Variants in PLEKHA8 observed in about 807,000 individuals in gnomAD.
PLEKHA8 encodes pleckstrin homology domain containing A8.
In PLEKHA8, 36 loss-of-function variants were observed where a neutral mutation model predicts 68.2. The observed-to-expected ratio is 0.53, with a 90% CI of 0.40 to 0.70. The LOEUF (loss-of-function observed/expected upper bound fraction) is 0.70, where lower values mean the gene tolerates loss of function less well. Among genes scored for constraint, PLEKHA8 ranks in the 30% least tolerant of loss-of-function variants. The pLI, the probability that PLEKHA8 is intolerant of heterozygous loss-of-function variation, is 0.00. For synonymous variants in PLEKHA8, 211 were observed against 216.1 expected (o/e 0.98, Z 0.20); for missense variants, 505 against 615.4 (o/e 0.82, Z 1.90).
intron 9 of PLEKHA8, among the ~76,000 whole-genome samples, chr7:30,057,074 G>A (rs985778514): frequency 5.3e-5 from 8 of 151,662 alleles, no homozygotes; most frequent in African/African-American, 1.9e-4. Context: ...TAAAAATTGA[G>A]GTATAACTTG....
In PLEKHA8 at chr7:30,082,399, A is replaced by G. The variant is rs937785079; in HGVS notation, c.*3612A>G. On this transcript the variant is annotated 3_prime_UTR_variant, in exon 14 of 14. Coordinates refer to ENST00000449726, the MANE Select transcript of PLEKHA8 (RefSeq NM_001197026.2). ...TATGTAGAGTATCTGGCACCACCTT[A>G]GCCCAGGGCTGCGTGCCTGATCAGT... 1.1e-5 allele frequency: 11 copies of G among 985,236 alleles called. No individual in the cohort carries two copies. The African/African-American group carries it at 1.7e-4, about 16-fold the overall frequency. The allele number at this position is 985,236 out of a possible 1,614,324, so 61.0% of individuals were successfully genotyped here.
In PLEKHA8 at chr7:30,041,560, G is replaced by GT. The variant is rs1433839449; in HGVS notation, c.41-3520dup. Among the ~76,000 whole-genome samples, 5 of 151,646 alleles carry GT rather than the reference G, an allele frequency of 3.3e-5. No individual in the cohort carries two copies. In the South Asian group the frequency reaches 6.2e-4, roughly 19 times the overall value. ...TCAGGTGCATCACCTTGCCCAGCTA[G>GT]TTTTTAAAATTTTTTGTTGAGACAG... On this transcript the variant is annotated intron_variant, in intron 1 of 13. Coordinates refer to ENST00000449726, the MANE Select transcript of PLEKHA8 (RefSeq NM_001197026.2).
chr7:30,052,819 T>C lies in PLEKHA8; in HGVS notation c.749T>C (p.Ile250Thr), dbSNP rs764315108. The change falls in exon 7 of 14, where the codon ATA (isoleucine) becomes ACA (threonine). Residue 250 changes from isoleucine to threonine, a missense_variant. Ile to Thr is a moderately conservative substitution (Grantham distance 89, BLOSUM62 -1). Transcript: ENST00000449726. The part of the protein sequence containing the change: ...KNSLYLKSAE[I>T]DCSISSEENT... ...TCCTTATATTTGAAATCTGCAGAGA[T>C]AGACTGCAGCATATCAAGTGAGGAA... 1.0e-5 allele frequency: 16 copies of C among 1,575,606 alleles called. No individual in the cohort carries two copies. Among genetic ancestry groups the C allele is most frequent in the Non-Finnish European group, 1.4e-5 (16 of 1,168,248 alleles).
In PLEKHA8 at chr7:30,083,083, T is replaced by A. The variant is rs1034289794; in HGVS notation, c.*4296T>A. ...AATTTTAAAATTTTTAGATGTAGAGTTTATAAGTAAAATATATTTTTAGCC... is the reference window on the plus strand; with the variant it reads ...AATTTTAAAATTTTTAGATGTAGAGATTATAAGTAAAATATATTTTTAGCC... On this transcript the variant is annotated 3_prime_UTR_variant, in exon 14 of 14. Transcript: ENST00000449726. 7.1e-6 allele frequency: 7 copies of A among 983,104 alleles called. No individual in the cohort carries two copies. In the African/African-American group the frequency reaches 1.0e-4, roughly 15 times the overall value. The allele number at this position is 983,104 out of a possible 1,614,324, so 60.9% of individuals were successfully genotyped here.
intron 9 of PLEKHA8, among the ~76,000 whole-genome samples, chr7:30,060,099 T>G (rs1047881016): frequency 6.6e-6 from 1 of 151,750 alleles, no homozygotes; most frequent in Non-Finnish European, 1.5e-5. Flanking sequence ...ATCATGCCAC[T>G]GCACTCTAGC....
At chr7:30,116,094 GTATA>G (rs1442338816) in intron 13 of PLEKHA8, 1 of 148,130 alleles carries the variant, frequency 6.8e-6, no homozygotes. Context: ...GCATACATAC[GTATA>G]CATACGCATA....
chr7:30,054,591 T>C (rs1015053565), intron 7 of PLEKHA8, 118 bp from the exon 8 acceptor site: 16 of 630,080 alleles, frequency 2.5e-5, no homozygotes, highest in Non-Finnish European at 1.4e-5. Flanking sequence ...ATGTGAATAG[T>C]GTTTCATGAA....
intron 13 of PLEKHA8, among the ~76,000 whole-genome samples, chr7:30,112,902 T>TAA (rs76790672): frequency 1.4e-5 from 2 of 145,606 alleles, no homozygotes; most frequent in Non-Finnish European, 3.0e-5. Flanking sequence ...TCTGTCTCTT[T>TAA]AAAAAAAAAA....
chr7:30,129,954 T>C (rs1319665633), downstream of PLEKHA8: 1 of 153,360 alleles, frequency 6.5e-6, no homozygotes, highest in Non-Finnish European at 1.5e-5. Context: ...ACACCCACCA[T>C]CTGGGGCAGG....
intron 13 of PLEKHA8, among the ~76,000 whole-genome samples, chr7:30,098,463 G>A (rs1001797841): frequency 3.9e-5 from 6 of 152,256 alleles, no homozygotes; most frequent in Non-Finnish European, 8.8e-5. Flanking sequence ...TTGAGCTGTG[G>A]TGGGCTCCAC....
Position 30,060,872 on chromosome 7 carries a change from CT to C in PLEKHA8, c.1040-8del, listed in dbSNP as rs1562522353. On this transcript the variant is annotated splice_polypyrimidine_tract_variant and intron_variant, in intron 9 of 13. Coordinates refer to ENST00000449726, the MANE Select transcript of PLEKHA8 (RefSeq NM_001197026.2). ...TTGCTTTTTCAGAAATGTTTTTAAT[CT>C]TTTCTTCTAGACAAACTTGGCCCTA... 4 of 1,606,046 alleles carry C rather than the reference CT, an allele frequency of 2.5e-6. No homozygotes were observed. Among genetic ancestry groups the C allele is most frequent in the African/African-American group, 1.3e-5 (1 of 74,360 alleles).
intron 13 of PLEKHA8, among the ~76,000 whole-genome samples, chr7:30,126,223 C>G (rs1301884168): frequency 6.8e-6 from 1 of 147,508 alleles, no homozygotes; most frequent in African/African-American, 2.5e-5. Context: ...TGTCTTCAAC[C>G]AAGAAAGACA....
At chr7:30,129,540 T>C, downstream of PLEKHA8, 1 of 554,464 alleles carries the variant, frequency 1.8e-6, no homozygotes, top group Non-Finnish European at 3.2e-6. Flanking sequence ...ATTTTCAACA[T>C]GTACACCTGA....
intron 12 of PLEKHA8, among the ~76,000 whole-genome samples, chr7:30,071,215 G>T (rs1239197522): frequency 6.6e-6 from 1 of 152,126 alleles, no homozygotes; most frequent in Non-Finnish European, 1.5e-5. Context: ...AACTTCCACT[G>T]TGCCTTAGGT....
In PLEKHA8 at chr7:30,100,465, T is replaced by G. The variant is rs368936657; in HGVS notation, c.1362+26333T>G. Among the ~76,000 whole-genome samples, 63 of 151,402 alleles carry G rather than the reference T, an allele frequency of 4.2e-4. 1 individual carries two copies. The highest frequency in any genetic ancestry group is 1.4e-3 in the African/African-American group (57 of 41,152). On this transcript the variant is annotated intron_variant, in intron 13 of 13. Coordinates refer to the PLEKHA8 transcript ENST00000396257. ...TACTCAGGAAGCCGAGGCAAGAGAATCACTTGAACCTAGGAGGTGGAGGTT... is the reference window on the plus strand; with the variant it reads ...TACTCAGGAAGCCGAGGCAAGAGAAGCACTTGAACCTAGGAGGTGGAGGTT...
intron 13 of PLEKHA8, among the ~76,000 whole-genome samples, chr7:30,104,485 C>T (rs1468207140): frequency 6.6e-6 from 1 of 152,106 alleles, no homozygotes; most frequent in Non-Finnish European, 1.5e-5. Flanking sequence ...TGGAATACCA[C>T]TCAGCAATAA....
chr7:30,116,164 A>G (rs1012323250), intron 13 of PLEKHA8, among the ~76,000 whole-genome samples: 1 of 150,960 alleles, frequency 6.6e-6, no homozygotes, highest in Non-Finnish European at 1.5e-5. Flanking sequence ...ACACGTATAC[A>G]TGTGTATACA....
At chr7:30,042,088 CAA>C (rs1791584170) in intron 1 of PLEKHA8, among the ~76,000 whole-genome samples, 1 of 152,142 alleles carries the variant, frequency 6.6e-6, no homozygotes, top group South Asian at 2.1e-4. Flanking sequence ...TTGAAGAGAA[CAA>C]AAAGACTGAG....
At chr7:30,097,409 T>G (rs987911878) in intron 13 of PLEKHA8, among the ~76,000 whole-genome samples, 6 of 152,220 alleles carry the variant, frequency 3.9e-5, no homozygotes, top group African/African-American at 1.4e-4. Context: ...CTAGATAATA[T>G]CCTGCAGAGT....
Sources: allele counts gnomAD v4.1 joint callset (sites outside exome capture counted in the v4.1 genomes callset), GRCh38; gene constraint gnomAD v4.1.1; transcripts MANE v1.5; gene names NCBI Gene and HGNC (gene_info 2026-07-23, HGNC 2026-07-21).